The following PTK2 variants were observed in gnomAD, a reference collection of about 807,000 sequenced individuals.
PTK2 encodes protein tyrosine kinase 2.
PTK2 carries 45 observed loss-of-function variants against 150.1 expected under a neutral mutation model. That is an observed-to-expected ratio of 0.30 (90% CI 0.24 to 0.38). The LOEUF (loss-of-function observed/expected upper bound fraction) is 0.38. PTK2 is among the 10% of genes least tolerant of loss of function. The pLI is 1.00. For synonymous variants in PTK2, 432 were observed against 449.2 expected, an observed-to-expected ratio of 0.96 and a Z score of 0.48; for missense variants, 919 against 1,307.3, an observed-to-expected ratio of 0.70 and a Z score of 4.58.
chr8:140,769,686 T>C (rs954470301), intron 14 of PTK2, 94 bp from the exon 16 acceptor site: 17 of 787,966 alleles, frequency 2.2e-5, no homozygotes, highest in Non-Finnish European at 3.1e-5. Context: ...GAAAACACTA[T>C]TAAAATGACA....
chr8:140,843,428 T>G (rs1338235714), intron 7 of PTK2, among the ~76,000 whole-genome samples: 1 of 152,174 alleles, frequency 6.6e-6, no homozygotes, highest in Admixed American at 6.5e-5. Context: ...ATCTTTCAGT[T>G]ACCATTTCAT....
At chr8:140,898,833 G>C (rs1255907859) in intron 2 of PTK2, among the ~76,000 whole-genome samples, 1 of 152,132 alleles carries the variant, frequency 6.6e-6, no homozygotes, top group East Asian at 1.9e-4. Flanking sequence ...AAAGGGGAGG[G>C]AGAGTGGTGA....
Position 140,948,062 on chromosome 8 carries a change from G to T in PTK2, c.-121-22313C>A, listed in dbSNP as rs181605945. The stretch of plus-strand genomic sequence containing the variant: ...ACTTCAGTTCTGAATTCCTACCAGG[G>T]GCTAAATCTAACTCCGAAAAGTAGC... On this transcript the variant is annotated intron_variant, in intron 1 of 31. Coordinates refer to ENST00000522684, the Ensembl canonical transcript of PTK2. Among the ~76,000 whole-genome samples the T allele has an allele frequency of 3.4e-3, 516 of 152,082 alleles. 4 individuals are homozygous for T. Among genetic ancestry groups the T allele is most frequent in the African/African-American group, 0.012 (501 of 41,496 alleles).
intron 26 of PTK2, among the ~76,000 whole-genome samples, chr8:140,691,328 G>C (rs2100023089): frequency 6.6e-6 from 1 of 152,114 alleles, no homozygotes; most frequent in South Asian, 2.1e-4. Context: ...AAAAATCTTG[G>C]TATAAGTTTC....
At chr8:140,884,105 G>T (rs540610967) in intron 3 of PTK2, among the ~76,000 whole-genome samples, 1 of 152,140 alleles carries the variant, frequency 6.6e-6, no homozygotes, top group Non-Finnish European at 1.5e-5. Context: ...CCCACCTTAA[G>T]GTCTGTAGCC....
intron 4 of PTK2, among the ~76,000 whole-genome samples, chr8:140,868,578 A>C (rs978856466): frequency 3.9e-5 from 6 of 152,184 alleles, no homozygotes; most frequent in Non-Finnish European, 8.8e-5. Flanking sequence ...CAAATGATCC[A>C]AGTTAGAACC....
intron 23 of PTK2, among the ~76,000 whole-genome samples, chr8:140,712,384 C>T (rs1373215497): frequency 6.6e-6 from 1 of 152,156 alleles, no homozygotes; most frequent in Non-Finnish European, 1.5e-5. Flanking sequence ...AAAGTAAACT[C>T]ATACAGCTGT....
chr8:140,717,446 C>T (rs373552818), intron 23 of PTK2, 152 bp downstream of exon 26: 108 of 617,398 alleles, frequency 1.7e-4, no homozygotes, highest in Non-Finnish European at 2.6e-4. Flanking sequence ...TACGAGAAGA[C>T]GAGCAAAAAG....
intron 26 of PTK2, among the ~76,000 whole-genome samples, chr8:140,696,989 C>T (rs1297089920): frequency 1.3e-5 from 2 of 151,824 alleles, no homozygotes; most frequent in African/African-American, 4.8e-5. Context: ...CAAAAATTAG[C>T]TGGGCGTGGT....
At chr8:140,901,359 C>T (rs990347611) in intron 2 of PTK2, among the ~76,000 whole-genome samples, 2 of 152,036 alleles carry the variant, frequency 1.3e-5, no homozygotes, top group South Asian at 2.1e-4. Context: ...ACACTGATCT[C>T]GACAAGGATT....
intron 12 of PTK2, among the ~76,000 whole-genome samples, chr8:140,796,987 C>G (rs2100092002): frequency 6.6e-6 from 1 of 152,048 alleles, no homozygotes; most frequent in Admixed American, 6.6e-5. Flanking sequence ...TTAATTTTTG[C>G]TCATTTTTTG....
intron 14 of PTK2, among the ~76,000 whole-genome samples, chr8:140,773,420 A>C (rs1191676131): frequency 2.6e-5 from 4 of 152,234 alleles, no homozygotes; most frequent in Non-Finnish European, 2.9e-5. Context: ...TGTAAGTGCT[A>C]GGGAAAAACC....
At chr8:140,803,132 A>G (rs570703683) in intron 11 of PTK2, among the ~76,000 whole-genome samples, 54 of 145,842 alleles carry the variant, frequency 3.7e-4, no homozygotes, top group African/African-American at 1.3e-3. Context: ...CTTGTGCCTC[A>G]GCCTCGCAAG....
intron 2 of PTK2, among the ~76,000 whole-genome samples, chr8:140,906,589 T>C (rs994196670): frequency 1.3e-5 from 2 of 152,148 alleles, no homozygotes; most frequent in African/African-American, 2.4e-5. Flanking sequence ...CATGTTCTCA[T>C]TCACAGTTAG....
chr8:140,920,827 C>T, intron 2 of PTK2: 1 of 1,519,558 alleles, frequency 6.6e-7, no homozygotes. Flanking sequence ...TAGCCCAACA[C>T]ACTGGAAATG....
chr8:140,945,131 T>C (rs556942172), intron 1 of PTK2, among the ~76,000 whole-genome samples: 1 of 152,346 alleles, frequency 6.6e-6, no homozygotes, highest in East Asian at 1.9e-4. Context: ...CCTGCACTGA[T>C]GAATTGGCTT....
intron 2 of PTK2, among the ~76,000 whole-genome samples, chr8:140,922,951 T>C (rs2100168095): frequency 6.6e-6 from 1 of 152,122 alleles, no homozygotes; most frequent in Admixed American, 6.5e-5. Context: ...AGGGTGGTGG[T>C]GACTGGAGCT....
At chr8:140,677,580 C>T (rs1036845684) in intron 27 of PTK2, among the ~76,000 whole-genome samples, 6 of 152,176 alleles carry the variant, frequency 3.9e-5, no homozygotes, top group African/African-American at 1.4e-4. Flanking sequence ...ACCTAAGACA[C>T]TTTACTTTCT....
chr8:140,975,787 C>A (rs768033920), intron 1 of PTK2, among the ~76,000 whole-genome samples: 5 of 152,206 alleles, frequency 3.3e-5, no homozygotes, highest in Non-Finnish European at 5.9e-5. Context: ...TAAGAGACAA[C>A]TGCACACATC....
Sources: allele counts gnomAD v4.1 joint callset (sites outside exome capture counted in the v4.1 genomes callset), GRCh38; gene constraint gnomAD v4.1.1; transcripts MANE v1.5; gene names NCBI Gene and HGNC (gene_info 2026-07-23, HGNC 2026-07-21).